The following PLEKHG4B variants were observed in gnomAD, a reference collection of about 807,000 sequenced individuals.
PLEKHG4B encodes pleckstrin homology and RhoGEF domain containing G4B.
PLEKHG4B carries 111 observed loss-of-function variants against 121.3 expected under a neutral mutation model. The observed-to-expected ratio is 0.92, with a 90% CI of 0.78 to 1.07. The LOEUF (loss-of-function observed/expected upper bound fraction) is 1.07. Ranked by LOEUF, PLEKHG4B falls within the 50% of genes least tolerant of loss-of-function variation. The pLI, the probability that PLEKHG4B is intolerant of heterozygous loss-of-function variation, is 0.00. For missense variants in PLEKHG4B, 1,831 were observed against 1,757.8 expected, an observed-to-expected ratio of 1.04 and a Z score of -0.74; for synonymous variants, 738 against 725.0, an observed-to-expected ratio of 1.02 and a Z score of -0.29.
At position 140,609 on chromosome 5, in the gene PLEKHG4B, C is replaced by T. The variant is rs906345299; in HGVS notation, c.1370C>T (p.Thr457Ile). ...GGGGCCCAGGCTGCAGCCTGCCACA[C>T]CTCCCACCACTCAGCAGGCTCCAGG... ...SRGAQAAACH[T>I]SHHSAGSRPG... The change falls in exon 3 of 20, where the codon ACC (threonine) becomes ATC (isoleucine). Residue 457 changes from threonine (T) to isoleucine (I), a missense_variant. Thr to Ile is a moderately conservative substitution (Grantham distance 89, BLOSUM62 -1). Coordinates refer to ENST00000637938, the MANE Select transcript of PLEKHG4B (RefSeq NM_052909.5). The T allele has an allele frequency of 6.2e-7, 1 of 1,610,952 alleles. No homozygotes were observed. The highest frequency in any genetic ancestry group is 1.3e-5 in the African/African-American group (1 of 74,876).
At chr5:169,936 C>CG (rs1165250706) in intron 14 of PLEKHG4B, among the ~76,000 whole-genome samples, 5 of 152,144 alleles carry the variant, frequency 3.3e-5, no homozygotes, top group African/African-American at 1.2e-4. Flanking sequence ...AATCACCTTC[C>CG]GGGGAGAGGC....
intron 3 of PLEKHG4B, 81 bp from the exon 4 acceptor site, chr5:142,966 T>G (rs1579283158): frequency 7.4e-7 from 1 of 1,349,514 alleles, no homozygotes; most frequent in East Asian, 2.3e-5. Context: ...GTCCCATGGT[T>G]CATAGCAAGC....
rs1331885198 is a variant in PLEKHG4B at position 188,420 on chromosome 5, G to A, written c.*6097G>A. 1 of 152,250 alleles carries A rather than the reference G, an allele frequency of 6.6e-6. No individual in the cohort carries two copies. Among genetic ancestry groups the A allele is most frequent in the Non-Finnish European group, 1.5e-5 (1 of 68,056 alleles). The allele number at this position is 152,250 out of a possible 1,614,324, so 9.4% of individuals were successfully genotyped here. On this transcript the variant is annotated 3_prime_UTR_variant, in exon 20 of 20. Transcript: ENST00000637938. Reference sequence around the variant, plus strand: ...GGTCCAGGCTGCTCCCACCATCCCTGGGGGATTAGCACCTTGGCTGAGCCC... The same window carrying A: ...GGTCCAGGCTGCTCCCACCATCCCTAGGGGATTAGCACCTTGGCTGAGCCC...
Position 138,095 on chromosome 5 carries a change from G to A in PLEKHG4B, c.244-1388G>A, listed in dbSNP as rs1000510644. Among the ~76,000 whole-genome samples, 15 of 152,202 alleles carry A rather than the reference G, an allele frequency of 9.9e-5. No individual in the cohort carries two copies. The East Asian group carries it at 2.5e-3, about 25-fold the overall frequency. ...TCCAGGGCCCACCCTGACGTCAGACGATTAAATGACCACTTGGATTTGCCA... is the reference window on the plus strand; with the variant it reads ...TCCAGGGCCCACCCTGACGTCAGACAATTAAATGACCACTTGGATTTGCCA... On this transcript the variant is annotated intron_variant, in intron 2 of 19. Transcript: ENST00000637938.
chr5:142,651 C>T (rs1052056305), intron 3 of PLEKHG4B, among the ~76,000 whole-genome samples: 1 of 151,654 alleles, frequency 6.6e-6, no homozygotes, highest in African/African-American at 2.4e-5. Flanking sequence ...CACAGTAACA[C>T]ACCAGTCACA....
Position 113,283 on chromosome 5 carries a change from G to A in PLEKHG4B, c.78G>A (p.Arg26=). ...DLESLDACIQ[R]TLSALYPPFE... ...AATCTCTTGATGCCTGTATCCAGAGGACGCTCTCTGCCTTGTACCCACCGT... is the reference window on the plus strand; with the variant it reads ...AATCTCTTGATGCCTGTATCCAGAGAACGCTCTCTGCCTTGTACCCACCGT... Residue 26 remains arginine, a synonymous_variant, in exon 2 of 20, where the codon AGG becomes AGA. Transcript: ENST00000637938. This position sits in a 1 kb window ranked among gnomAD's most constrained non-coding sequence, Gnocchi z 5.2. 2.5e-6 allele frequency: 1 copy of A among 399,062 alleles called. No homozygotes were observed. Among genetic ancestry groups the A allele is most frequent in the Non-Finnish European group, 4.4e-6 (1 of 226,098 alleles). 24.7% of individuals were successfully genotyped at this position (399,062 alleles called of 1,614,324 possible).
intron 11 of PLEKHG4B, among the ~76,000 whole-genome samples, chr5:160,778 C>T (rs961256512): frequency 2.6e-5 from 4 of 152,038 alleles, no homozygotes; most frequent in Non-Finnish European, 4.4e-5. Flanking sequence ...CAATGACAGC[C>T]GATTTTTCCA....
rs62344149 is a variant in PLEKHG4B, at chr5:166,502, C to G, written c.3477-2838C>G. On this transcript the variant is annotated intron_variant, in intron 13 of 19. Transcript: ENST00000637938. ...CTGACGGGGCGGGGCTCACAGTAATCTTCTGACGGGGCGGAGCTCACACTA... is the reference window on the plus strand; with the variant it reads ...CTGACGGGGCGGGGCTCACAGTAATGTTCTGACGGGGCGGAGCTCACACTA... 5.7e-3 allele frequency among the ~76,000 whole-genome samples: 164 copies of G among 28,628 alleles called. 4 individuals are homozygous for G. The highest frequency in any genetic ancestry group is 8.9e-3 in the Non-Finnish European group (93 of 10,414). The allele number at this position is 28,628 out of a possible 152,430, so 18.8% of individuals were successfully genotyped here. A position where few individuals can be genotyped will look rare whatever the true frequency, so the allele number is the denominator to read the frequency against.
In PLEKHG4B at chr5:162,963, A is replaced by G. The variant is rs1386295274; in HGVS notation, c.2891A>G (p.Asp964Gly). The G allele has an allele frequency of 6.4e-7, 1 of 1,561,262 alleles. No homozygotes were observed. The highest frequency in any genetic ancestry group is 1.9e-5 in the Admixed American group (1 of 53,064). Reference sequence around the variant, plus strand: ...GAGGCCCTTTCTGAGGCTGCCCCAGACCCCAGCTTACCGCCCCTTGCCCAG... The same window carrying G: ...GAGGCCCTTTCTGAGGCTGCCCCAGGCCCCAGCTTACCGCCCCTTGCCCAG... The part of the protein sequence containing the change: ...LEEALSEAAP[D>G]PSLPPLAQSP... The change falls in exon 13 of 20, where the codon GAC becomes GGC. Residue 964 changes from aspartate to glycine, a missense_variant. Asp to Gly is a moderately conservative substitution (Grantham distance 94). Transcript: ENST00000637938.
chr5:186,971 A>C lies in PLEKHG4B; in HGVS notation c.*4648A>C, dbSNP rs1222576980. 6.6e-6 allele frequency: 1 copy of C among 152,330 alleles called. No homozygotes were observed. The highest frequency in any genetic ancestry group is 2.4e-5 in the African/African-American group (1 of 41,440). The allele number at this position is 152,330 out of a possible 1,614,324, so 9.4% of individuals were successfully genotyped here. ...TCCTGAATGCTCAGGGCTGGTGGTC[A>C]GCGAGGTGGTTTCTAAACCAAGCCC... On this transcript the variant is annotated 3_prime_UTR_variant, in exon 20 of 20. Coordinates refer to ENST00000637938, the MANE Select transcript of PLEKHG4B (RefSeq NM_052909.5).
intron 1 of PLEKHG4B, among the ~76,000 whole-genome samples, chr5:108,049 A>G (rs1734028722): frequency 6.6e-6 from 1 of 152,162 alleles, no homozygotes; most frequent in African/African-American, 2.4e-5. Flanking sequence ...TGGAGCACCC[A>G]GCCATCCCCT....
rs1188074670 is a variant in PLEKHG4B, at chr5:135,517, T to C, written c.244-3966T>C. On this transcript the variant is annotated intron_variant, in intron 2 of 19. Transcript: ENST00000637938. ...TGTCTCTACTGAAAATCCAAAAAAA[T>C]TAGCCTGGCATGGTGGCAGGTACCT... Among the ~76,000 whole-genome samples the C allele has an allele frequency of 9.4e-5, 14 of 148,638 alleles. No homozygotes were observed. In the East Asian group the frequency reaches 2.8e-3, roughly 30 times the overall value.
intron 11 of PLEKHG4B, among the ~76,000 whole-genome samples, chr5:160,582 G>A (rs1735964525): frequency 6.6e-6 from 1 of 152,010 alleles, no homozygotes; most frequent in Non-Finnish European, 1.5e-5. Flanking sequence ...GTTTTTCTAG[G>A]GTTGATCATC....
In PLEKHG4B at chr5:173,011, A is replaced by C. The variant is rs759605003; in HGVS notation, c.4165A>C (p.Lys1389Gln). The C allele has an allele frequency of 6.2e-7, 1 of 1,614,126 alleles. No individual in the cohort carries two copies. The highest frequency in any genetic ancestry group is 1.1e-5 in the South Asian group (1 of 91,080). ...CTTTGAAGACCTCATCCTGTTTAGCAAGACCCAGAAGGTGGAGGGCAGCCA... is the reference window on the plus strand; with the variant it reads ...CTTTGAAGACCTCATCCTGTTTAGCCAGACCCAGAAGGTGGAGGGCAGCCA... ...FLFEDLILFSKTQKVEGSHDV... is the reference protein window; with the variant it reads ...FLFEDLILFSQTQKVEGSHDV... Residue 1389 changes from lysine to glutamine, a missense_variant, in exon 17 of 20, where the codon AAG becomes CAG. Coordinates refer to ENST00000637938, the MANE Select transcript of PLEKHG4B (RefSeq NM_052909.5).
intron 18 of PLEKHG4B, among the ~76,000 whole-genome samples, chr5:176,234 T>C (rs1736756215): frequency 1.5e-5 from 1 of 64,890 alleles, no homozygotes. Flanking sequence ...GATGCCACCA[T>C]CCTGAAGAGC....
chr5:98,940 A>C (rs1184658419), intron 1 of PLEKHG4B, among the ~76,000 whole-genome samples: 1 of 120,874 alleles, frequency 8.3e-6, no homozygotes, highest in Non-Finnish European at 1.6e-5. Flanking sequence ...GTGGATCATG[A>C]GGTCAGGAGT....
intron 2 of PLEKHG4B, among the ~76,000 whole-genome samples, chr5:125,300 T>A (rs1734581004): frequency 6.6e-6 from 1 of 152,174 alleles, no homozygotes; most frequent in African/African-American, 2.4e-5. Context: ...GTTTAGTTGA[T>A]TTTTTGTAGT....
At position 151,556 on chromosome 5, in the gene PLEKHG4B, A is replaced by T; in HGVS notation, c.1949A>T (p.Asp650Val). ...PIIHSILLLV[D>V]KESAFRPDKD... ...ATTCATAGTATCTTGCTGTTGGTAGATAAAGAATCTGCATTTAGGCCTGAC... is the reference window on the plus strand; with the variant it reads ...ATTCATAGTATCTTGCTGTTGGTAGTTAAAGAATCTGCATTTAGGCCTGAC... Residue 650 changes from aspartate to valine, a missense_variant, in exon 7 of 20, where the codon GAT becomes GTT. Transcript: ENST00000637938. 1 of 1,592,336 alleles carries T rather than the reference A, an allele frequency of 6.3e-7. No homozygotes were observed. The highest frequency in any genetic ancestry group is 8.6e-7 in the Non-Finnish European group (1 of 1,160,892).
At position 162,558 on chromosome 5, in the gene PLEKHG4B, G is replaced by A. The variant is rs146581612; in HGVS notation, c.2650-164G>A. 1.1e-3 allele frequency among the ~76,000 whole-genome samples: 165 copies of A among 152,344 alleles called. 1 individual carries two copies. Among genetic ancestry groups the A allele is most frequent in the Admixed American group, 2.9e-3 (45 of 15,310 alleles). On this transcript the variant is annotated intron_variant, in intron 12 of 19. Coordinates refer to ENST00000637938, the MANE Select transcript of PLEKHG4B (RefSeq NM_052909.5). Reference sequence around the variant, plus strand: ...TCAGACACAGCCCACCTGCCCTTCCGCTGAACCCGGCCACAGCCCCCACTG... The same window carrying A: ...TCAGACACAGCCCACCTGCCCTTCCACTGAACCCGGCCACAGCCCCCACTG...
Sources: allele counts gnomAD v4.1 joint callset (sites outside exome capture counted in the v4.1 genomes callset), GRCh38; gene constraint gnomAD v4.1.1; non-coding constraint Gnocchi (gnomAD v3.1); transcripts MANE v1.5; gene names NCBI Gene and HGNC (gene_info 2026-07-23, HGNC 2026-07-21).